The following PCDHGA9 variants were observed in gnomAD, a reference collection of about 807,000 sequenced individuals.
PCDHGA9 encodes the protein protocadherin gamma subfamily A, 9.
A neutral mutation model predicts 62.5 loss-of-function variants in PCDHGA9; 37 were observed. The ratio of observed to expected loss-of-function variants is 0.59; its 90% CI spans 0.46 to 0.78. The LOEUF (loss-of-function observed/expected upper bound fraction) is 0.78, where lower values mean the gene tolerates loss of function less well. Among genes scored for constraint, PCDHGA9 ranks in the 30% least tolerant of loss-of-function variants. The pLI, the probability that PCDHGA9 is intolerant of heterozygous loss-of-function variation, is 0.00. For synonymous variants in PCDHGA9, 459 were observed against 484.6 expected, an observed-to-expected ratio of 0.95 and a Z score of 0.69; for missense variants, 1,138 against 1,166.2, an observed-to-expected ratio of 0.98 and a Z score of 0.35.
chr5:141,430,578 C>A (rs1561846151), intron 1 of PCDHGA9: 8 of 470,816 alleles, frequency 1.7e-5, no homozygotes, highest in East Asian at 1.0e-4. Flanking sequence ...AGCGGAGATC[C>A]TGCTCGCCTT....
chr5:141,411,921 T>C (rs1426892834), intron 1 of PCDHGA9: 1 of 152,234 alleles, frequency 6.6e-6, no homozygotes, highest in Non-Finnish European at 1.5e-5. Context: ...TCAGTCTCTG[T>C]CTCTGATTCT....
Position 141,476,657 on chromosome 5 carries a change from G to A in PCDHGA9, c.2425-18150G>A, listed in dbSNP as rs759887729. On this transcript the variant is annotated intron_variant, in intron 1 of 3. Coordinates refer to ENST00000573521, the MANE Select transcript of PCDHGA9 (RefSeq NM_018921.3). This position sits in a 1 kb window ranked among gnomAD's most constrained non-coding sequence, Gnocchi z 7.6. ...TGAGCTGAGCCGAAATGAATACTTTGCGCTTCGCGTGCAGACGCGGGAGGA... is the reference window on the plus strand; with the variant it reads ...TGAGCTGAGCCGAAATGAATACTTTACGCTTCGCGTGCAGACGCGGGAGGA... 1.9e-6 allele frequency: 3 copies of A among 1,614,140 alleles called. No homozygotes were observed. Among genetic ancestry groups the A allele is most frequent in the Non-Finnish European group, 2.5e-6 (3 of 1,180,060 alleles).
chr5:141,403,324 T>G lies in PCDHGA9; in HGVS notation c.372T>G (p.Thr124=), dbSNP rs769971532. Residue 124 remains threonine (T), a synonymous_variant, in exon 1 of 4, where the codon ACT becomes ACG. Transcript: ENST00000573521. ...TGTACGGAATAGAAATAGAAGTAAC[T>G]GATATTAACGACAGCGCCCCAAAGT... ...VKLYGIEIEV[T]DINDSAPKFQ... is the part of the protein sequence containing the mutation. 6.2e-7 allele frequency: 1 copy of G among 1,613,974 alleles called. No individual in the cohort carries two copies. Among genetic ancestry groups the G allele is most frequent in the East Asian group, 2.2e-5 (1 of 44,882 alleles).
rs1246204844 is a variant in PCDHGA9, at chr5:141,419,493, A to T, written c.2424+14117A>T. On this transcript the variant is annotated intron_variant, in intron 1 of 3. Coordinates refer to ENST00000573521, the MANE Select transcript of PCDHGA9 (RefSeq NM_018921.3). ...CAGGGCTCGCCCGCGCTCAGCGCCA[A>T]TGTGAGCCTGCGCGTGTTGGTGGGC... 3 of 1,612,264 alleles carry T rather than the reference A, an allele frequency of 1.9e-6. No individual in the cohort carries two copies. The African/African-American group carries it at 4.0e-5, about 22-fold the overall frequency.
Position 141,432,548 on chromosome 5 carries a change from G to T in PCDHGA9, c.2424+27172G>T, listed in dbSNP as rs1251651638. On this transcript the variant is annotated intron_variant, in intron 1 of 3. Coordinates refer to ENST00000573521, the MANE Select transcript of PCDHGA9 (RefSeq NM_018921.3). The surrounding 1 kb of genome is among the most constrained non-coding windows in gnomAD (Gnocchi z 6.0). ...GACCAAGGTGGTGGCGGTGGACAGA[G>T]ACTCCGGCCAGAACGCCTGGCTGTC... 1.9e-6 allele frequency: 3 copies of T among 1,613,998 alleles called. No homozygotes were observed. The South Asian group carries it at 3.3e-5, about 18-fold the overall frequency.
chr5:141,427,494 A>G (rs1220750249), intron 1 of PCDHGA9: 1 of 560,916 alleles, frequency 1.8e-6, no homozygotes, highest in Non-Finnish European at 3.4e-6. Context: ...TAAGCTTGTA[A>G]CAGATGGGAC....
chr5:141,421,586 T>A (rs750525078), intron 1 of PCDHGA9: 2 of 1,613,602 alleles, frequency 1.2e-6, no homozygotes, highest in Admixed American at 3.3e-5. Context: ...ATTTACGGAG[T>A]GGAGGTGGAA....
Position 141,486,799 on chromosome 5 carries a change from C to A in PCDHGA9, c.2425-8008C>A. The A allele has an allele frequency of 6.2e-7, 1 of 1,614,220 alleles. No individual in the cohort carries two copies. Among genetic ancestry groups the A allele is most frequent in the African/African-American group, 1.3e-5 (1 of 75,060 alleles). ...AGGTGCAGGCCCGGGATCGGGGCAA[C>A]CCACCCCTTAGCAGCACTGTAACAG... On this transcript the variant is annotated intron_variant, in intron 1 of 3. Coordinates refer to ENST00000573521, the MANE Select transcript of PCDHGA9 (RefSeq NM_018921.3). This position sits in a 1 kb window ranked among gnomAD's most constrained non-coding sequence, Gnocchi z 5.0.
At chr5:141,419,928 T>G in intron 1 of PCDHGA9, 1 of 1,614,084 alleles carries the variant, frequency 6.2e-7, no homozygotes, top group South Asian at 1.1e-5. Flanking sequence ...GAGATGCAGT[T>G]TTACCTGGTG....
intron 1 of PCDHGA9, chr5:141,478,786 C>T: frequency 6.8e-7 from 1 of 1,480,998 alleles, no homozygotes; most frequent in Non-Finnish European, 9.0e-7. Context: ...ACCTAATTCA[C>T]ATCCTCAGCA....
At chr5:141,500,340 C>A (rs188966393) in intron 2 of PCDHGA9, among the ~76,000 whole-genome samples, 92 of 152,066 alleles carry the variant, frequency 6.0e-4, no homozygotes, top group African/African-American at 2.1e-3. Flanking sequence ...TCCAGAATAG[C>A]TGGGACTACA....
chr5:141,438,764 C>T (rs963627140), intron 1 of PCDHGA9, among the ~76,000 whole-genome samples: 38 of 148,736 alleles, frequency 2.6e-4, no homozygotes, highest in African/African-American at 9.4e-4. Context: ...TGGGTTCAAG[C>T]GATTCTCCTG....
intron 1 of PCDHGA9, among the ~76,000 whole-genome samples, chr5:141,483,010 G>C (rs574078222): frequency 6.6e-6 from 1 of 152,006 alleles, no homozygotes; most frequent in Non-Finnish European, 1.5e-5. Flanking sequence ...GCTTGAACCC[G>C]GGAGGCAGAG....
Position 141,431,991 on chromosome 5 carries a change from A to G in PCDHGA9, c.2424+26615A>G. 1.2e-6 allele frequency: 2 copies of G among 1,614,218 alleles called. No individual in the cohort carries two copies. The highest frequency in any genetic ancestry group is 1.7e-6 in the Non-Finnish European group (2 of 1,180,042). On this transcript the variant is annotated intron_variant, in intron 1 of 3. Transcript: ENST00000573521. The surrounding 1 kb of genome is among the most constrained non-coding windows in gnomAD (Gnocchi z 4.8). The stretch of plus-strand genomic sequence containing the variant: ...AGTTTAGTCACAGACATAGTCTTGG[A>G]TAGGGAACAGGTTCCTAGCTACAAC...
intron 1 of PCDHGA9, chr5:141,478,585 T>A (rs1474599564): frequency 1.3e-5 from 20 of 1,576,728 alleles, no homozygotes; most frequent in Non-Finnish European, 1.7e-5. Flanking sequence ...TGTTAGTGCT[T>A]TTTTATTCCT....
chr5:141,468,809 T>A (rs1473677700), intron 1 of PCDHGA9, among the ~76,000 whole-genome samples: 1 of 151,850 alleles, frequency 6.6e-6, no homozygotes, highest in Admixed American at 6.6e-5. Flanking sequence ...GAACTTGCAG[T>A]GAGCCAAGAT....
At chr5:141,425,413 T>G (rs2096873899) in intron 1 of PCDHGA9, among the ~76,000 whole-genome samples, 1 of 152,202 alleles carries the variant, frequency 6.6e-6, no homozygotes, top group African/African-American at 2.4e-5. Context: ...AGGTATAACA[T>G]ATAGTCCCAT....
In PCDHGA9 at chr5:141,485,318, G is replaced by A. The variant is rs1318256454; in HGVS notation, c.2425-9489G>A. On this transcript the variant is annotated intron_variant, in intron 1 of 3. Transcript: ENST00000573521. The surrounding 1 kb of genome is among the most constrained non-coding windows in gnomAD (Gnocchi z 5.7). ...GGAAGGGACTTTTGTAGGGAATGTC[G>A]CTCAAGATTTCCTGCTGGATACGGA... 3 of 1,614,142 alleles carry A rather than the reference G, an allele frequency of 1.9e-6. No homozygotes were observed. The highest frequency in any genetic ancestry group is 2.5e-6 in the Non-Finnish European group (3 of 1,180,006).
At chr5:141,417,585 G>T in intron 1 of PCDHGA9, 1 of 462,794 alleles carries the variant, frequency 2.2e-6, no homozygotes, top group South Asian at 4.9e-5. Context: ...GTCCCACACA[G>T]AGCCTCTGGG....
Sources: gnomAD v4.1 joint callset for allele counts (sites outside exome capture counted in the v4.1 genomes callset) on GRCh38, gnomAD v4.1.1 for gene constraint, Gnocchi (gnomAD v3.1) non-coding constraint, MANE v1.5 for transcripts, NCBI Gene and HGNC (gene_info 2026-07-23, HGNC 2026-07-21) for gene names.